The following SRFBP1 variants were observed in gnomAD, a reference collection of about 807,000 sequenced individuals.
SRFBP1 encodes serum response factor binding protein 1.
Under a neutral mutation model 45.5 loss-of-function variants are expected in SRFBP1, and 47 were observed. That is an observed-to-expected ratio of 1.03 (90% CI 0.82 to 1.32). SRFBP1 has a LOEUF of 1.32. SRFBP1 is among the 40% of genes most tolerant of loss of function. The pLI, the probability that SRFBP1 is intolerant of heterozygous loss-of-function variation, is 0.00. For missense variants in SRFBP1, 621 were observed against 484.6 expected, an observed-to-expected ratio of 1.28 and a Z score of -2.64; for synonymous variants, 203 against 166.3, an observed-to-expected ratio of 1.22 and a Z score of -1.70.
chr5:121,965,465 G>A (rs970227552), intron 1 of SRFBP1, among the ~76,000 whole-genome samples: 7 of 152,154 alleles, frequency 4.6e-5, no homozygotes, highest in Non-Finnish European at 1.0e-4. Context: ...CCCATTGCTT[G>A]TTTTTGTCAG....
chr5:121,975,700 C>T (rs1752289991), intron 3 of SRFBP1, among the ~76,000 whole-genome samples: 1 of 151,898 alleles, frequency 6.6e-6, no homozygotes, highest in Non-Finnish European at 1.5e-5. Context: ...AGCACGAAGT[C>T]AGTTCAAGAA....
chr5:121,962,646 T>C (rs1202844591), intron 1 of SRFBP1, among the ~76,000 whole-genome samples: 1 of 152,218 alleles, frequency 6.6e-6, no homozygotes, highest in Non-Finnish European at 1.5e-5. Flanking sequence ...TTTTCTGCTT[T>C]TTCAGTCCAT....
downstream of SRFBP1, among the ~76,000 whole-genome samples, chr5:122,030,130 C>A (rs1472608660): frequency 1.3e-5 from 2 of 152,126 alleles, no homozygotes; most frequent in Non-Finnish European, 2.9e-5. Context: ...GCTAAAATGG[C>A]AGAGTAAGAA....
intron 6 of SRFBP1, 121 bp downstream of exon 6, chr5:122,020,923 A>T (rs1753303688): frequency 1.1e-6 from 1 of 891,056 alleles, no homozygotes; most frequent in African/African-American, 1.7e-5. Context: ...CTGTTTTTAG[A>T]CATGGCCCTC....
intron 2 of SRFBP1, among the ~76,000 whole-genome samples, chr5:122,068,254 G>T (rs147814120): frequency 1.2e-3 from 180 of 150,730 alleles, no homozygotes; most frequent in African/African-American, 4.2e-3. Flanking sequence ...CATATTGCTG[G>T]AGCAATACAA....
chr5:122,013,269 A>G (rs1386114965), intron 4 of SRFBP1, among the ~76,000 whole-genome samples: 1 of 152,144 alleles, frequency 6.6e-6, no homozygotes, highest in East Asian at 1.9e-4. Context: ...TATAACAAGT[A>G]GTTCATTCTC....
intron 2 of SRFBP1, among the ~76,000 whole-genome samples, chr5:122,050,119 T>C (rs1371136786): frequency 6.6e-6 from 1 of 152,206 alleles, no homozygotes; most frequent in African/African-American, 2.4e-5. Flanking sequence ...GGATTAGCTT[T>C]TTGCTGTGCT....
intron 3 of SRFBP1, among the ~76,000 whole-genome samples, chr5:121,993,306 A>G (rs1752653958): frequency 6.6e-6 from 1 of 152,132 alleles, no homozygotes; most frequent in Non-Finnish European, 1.5e-5. Flanking sequence ...AAAGGGTTAT[A>G]ATAACACTCA....
At chr5:121,994,718 A>G (rs1365714207) in intron 4 of SRFBP1, 48 bp downstream of exon 4, 6 of 1,245,020 alleles carry the variant, frequency 4.8e-6, no homozygotes, top group Non-Finnish European at 6.7e-6. Flanking sequence ...TTTCTCATCT[A>G]TATTGCTTAC....
intron 2 of SRFBP1, among the ~76,000 whole-genome samples, chr5:122,075,007 T>C (rs978376885): frequency 2.0e-5 from 3 of 152,238 alleles, no homozygotes; most frequent in African/African-American, 7.2e-5. Flanking sequence ...GGATGTATCA[T>C]CTACATCTTT....
At chr5:121,964,222 T>C (rs1253422521) in intron 1 of SRFBP1, among the ~76,000 whole-genome samples, 1 of 152,136 alleles carries the variant, frequency 6.6e-6, no homozygotes, top group African/African-American at 2.4e-5. Flanking sequence ...ATACTTTAAG[T>C]TCTGGGGTAC....
chr5:121,967,865 T>C (rs1030595684), intron 1 of SRFBP1, among the ~76,000 whole-genome samples: 1 of 152,138 alleles, frequency 6.6e-6, no homozygotes, highest in African/African-American at 2.4e-5. Flanking sequence ...CCCAATAATT[T>C]TGTTAACTAT....
chr5:121,995,584 C>T (rs1293370302), intron 4 of SRFBP1, among the ~76,000 whole-genome samples: 2 of 152,026 alleles, frequency 1.3e-5, no homozygotes, highest in Admixed American at 1.3e-4. Context: ...AATTGACACC[C>T]TAACATCACA....
At chr5:122,000,551 C>T (rs1039731763) in intron 4 of SRFBP1, among the ~76,000 whole-genome samples, 3 of 151,940 alleles carry the variant, frequency 2.0e-5, no homozygotes, top group Admixed American at 2.0e-4. Context: ...AATATTTTTA[C>T]TAAGTATAGA....
intron 2 of SRFBP1, among the ~76,000 whole-genome samples, chr5:122,035,762 G>A (rs549408387): frequency 6.6e-6 from 1 of 152,210 alleles, no homozygotes; most frequent in South Asian, 2.1e-4. Flanking sequence ...TTTATCTTAT[G>A]TAAGAGAGCC....
intron 7 of SRFBP1, among the ~76,000 whole-genome samples, chr5:122,022,818 A>G (rs1580532060): frequency 2.0e-5 from 3 of 152,326 alleles, no homozygotes; most frequent in East Asian, 3.9e-4. Context: ...AACAAATCTA[A>G]GTTTCATGTA....
intron 2 of SRFBP1, chr5:122,069,961 G>T (rs778525971): frequency 2.2e-6 from 2 of 905,520 alleles, no homozygotes; most frequent in Admixed American, 3.4e-5. Context: ...AGCTGCTGTA[G>T]TAGCAGAAAC....
chr5:121,968,059 T>C (rs1752111260), intron 1 of SRFBP1, among the ~76,000 whole-genome samples: 1 of 152,140 alleles, frequency 6.6e-6, no homozygotes, highest in Non-Finnish European at 1.5e-5. Context: ...ACAATTTTAG[T>C]AACATACGTA....
intron 7 of SRFBP1, 132 bp downstream of exon 7, chr5:122,022,539 C>T (rs1239831364): frequency 4.6e-6 from 3 of 654,208 alleles, no homozygotes; most frequent in Non-Finnish European, 7.0e-6. Context: ...AACAGAGCAT[C>T]TTACAATTAT....
Sources: gnomAD v4.1 joint callset for allele counts (sites outside exome capture counted in the v4.1 genomes callset) on GRCh38, gnomAD v4.1.1 for gene constraint, MANE v1.5 for transcripts, NCBI Gene and HGNC (gene_info 2026-07-23, HGNC 2026-07-21) for gene names.